The following ARHGAP10 variants were observed in gnomAD, a reference collection of about 807,000 sequenced individuals.
ARHGAP10 encodes rho GTPase-activating protein 10.
In ARHGAP10, 87 loss-of-function variants were observed where a neutral mutation model predicts 108.6. The observed-to-expected ratio is 0.80, with a 90% CI of 0.67 to 0.96. The LOEUF is 0.96. ARHGAP10 is among the 40% of genes least tolerant of loss of function. The pLI is 0.00. For missense variants in ARHGAP10, 939 were observed against 954.5 expected, an observed-to-expected ratio of 0.98 and a Z score of 0.21; for synonymous variants, 347 against 341.1, an observed-to-expected ratio of 1.02 and a Z score of -0.19.
rs1285881511 is a variant in ARHGAP10, at chr4:148,029,528, C to T, written c.1867+6115C>T. 3.9e-5 allele frequency among the ~76,000 whole-genome samples: 6 copies of T among 152,192 alleles called. No individual in the cohort carries two copies. The South Asian group carries it at 8.3e-4, about 21-fold the overall frequency. ...GAAAACCATTGTTGGCATGGATTTT[C>T]GTTGACATTCTGTAGCTATAGATGT... On this transcript the variant is annotated intron_variant, in intron 19 of 22. Transcript: ENST00000336498.
At position 148,026,748 on chromosome 4, in the gene ARHGAP10, C is replaced by A. The variant is rs144625449; in HGVS notation, c.1867+3335C>A. On this transcript the variant is annotated intron_variant, in intron 19 of 22. Transcript: ENST00000336498. ...GCTCATTTTTCATATAACATTTAATCTCAACATCAAAGCTGAGTAGATTTG... is the reference window on the plus strand; with the variant it reads ...GCTCATTTTTCATATAACATTTAATATCAACATCAAAGCTGAGTAGATTTG... Among the ~76,000 whole-genome samples the A allele has an allele frequency of 2.0e-3, 311 of 152,140 alleles. 1 individual carries two copies. The Middle Eastern group carries it at 0.034, about 17-fold the overall frequency.
intron 13 of ARHGAP10, among the ~76,000 whole-genome samples, chr4:147,926,646 A>G (rs1737470870): frequency 6.6e-6 from 1 of 152,230 alleles, no homozygotes. Context: ...GTCTAAGTCA[A>G]GATGATAGTG....
intron 10 of ARHGAP10, among the ~76,000 whole-genome samples, chr4:147,884,718 G>A (rs1200948393): frequency 2.0e-5 from 3 of 152,190 alleles, no homozygotes; most frequent in Non-Finnish European, 4.4e-5. Flanking sequence ...GGTAGAGTGA[G>A]TGTCACATGT....
chr4:147,913,068 T>C lies in ARHGAP10; in HGVS notation c.1163-6T>C. On this transcript the variant is annotated splice_region_variant and splice_polypyrimidine_tract_variant and intron_variant, in intron 12 of 22. Coordinates refer to ENST00000336498, the MANE Select transcript of ARHGAP10 (RefSeq NM_024605.4). ...TACACTTAATGTTTTAAACTGTTTC[T>C]TGTAGATGCACAGTTGGATAAGATG... 1 of 1,612,524 alleles carries C rather than the reference T, an allele frequency of 6.2e-7. No individual in the cohort carries two copies. The highest frequency in any genetic ancestry group is 1.3e-5 in the African/African-American group (1 of 75,026).
At chr4:147,875,959 A>G (rs1013075453) in intron 8 of ARHGAP10, among the ~76,000 whole-genome samples, 2 of 152,158 alleles carry the variant, frequency 1.3e-5, no homozygotes, top group Non-Finnish European at 2.9e-5. Flanking sequence ...TCTCTTTACT[A>G]TTTCCCTCCC....
At chr4:147,786,666 A>G (rs1233321373) in intron 1 of ARHGAP10, among the ~76,000 whole-genome samples, 1 of 152,226 alleles carries the variant, frequency 6.6e-6, no homozygotes, top group African/African-American at 2.4e-5. Context: ...CAGGTCGTGC[A>G]TATGGGATGG....
At chr4:147,945,671 T>C (rs1242975291) in intron 14 of ARHGAP10, among the ~76,000 whole-genome samples, 2 of 152,246 alleles carry the variant, frequency 1.3e-5, no homozygotes, top group Non-Finnish European at 2.9e-5. Flanking sequence ...TATCATCCTT[T>C]CACCAGTTTG....
chr4:147,978,293 T>A (rs546178450), intron 18 of ARHGAP10, among the ~76,000 whole-genome samples: 1 of 152,272 alleles, frequency 6.6e-6, no homozygotes, highest in Admixed American at 6.5e-5. Context: ...CCACCAACAG[T>A]GTATAAGCAT....
chr4:147,937,383 CT>C (rs926615064), intron 13 of ARHGAP10, among the ~76,000 whole-genome samples: 5 of 151,396 alleles, frequency 3.3e-5, no homozygotes, highest in Admixed American at 6.6e-5. Flanking sequence ...AATTTAATTA[CT>C]TTTTTTTTCA....
intron 3 of ARHGAP10, among the ~76,000 whole-genome samples, chr4:147,837,337 A>T (rs977694996): frequency 6.6e-6 from 1 of 152,236 alleles, no homozygotes. Flanking sequence ...TACGGTTCTG[A>T]AATTCTAAAA....
At chr4:147,882,683 C>G (rs1201264091) in intron 10 of ARHGAP10, among the ~76,000 whole-genome samples, 1 of 152,056 alleles carries the variant, frequency 6.6e-6, no homozygotes, top group African/African-American at 2.4e-5. Flanking sequence ...TCTGTTTATT[C>G]AAAGGTGAAT....
chr4:148,064,378 A>G (rs1187262574), intron 21 of ARHGAP10, 38 bp from the exon 22 acceptor site: 2 of 1,594,668 alleles, frequency 1.3e-6, no homozygotes, highest in East Asian at 2.2e-5. Context: ...TGTTTTCCAC[A>G]TTTTCATTGG....
intron 16 of ARHGAP10, among the ~76,000 whole-genome samples, chr4:147,956,152 A>G (rs1738777181): frequency 6.6e-6 from 1 of 152,174 alleles, no homozygotes; most frequent in Non-Finnish European, 1.5e-5. Flanking sequence ...TAGTTCTACT[A>G]GCTAAAACCT....
At chr4:147,900,846 C>A (rs75193717) in intron 10 of ARHGAP10, among the ~76,000 whole-genome samples, 1 of 130,554 alleles carries the variant, frequency 7.7e-6, no homozygotes, top group Admixed American at 7.8e-5. Flanking sequence ...AACAACAACA[C>A]GCCTTGAGAC....
At chr4:148,065,131 T>C (rs1404678143) in intron 22 of ARHGAP10, 3 of 152,264 alleles carry the variant, frequency 2.0e-5, no homozygotes, top group Non-Finnish European at 2.9e-5. Context: ...GTGTCTTTTT[T>C]CTCCTGCTCT....
At position 148,038,424 on chromosome 4, in the gene ARHGAP10, C is replaced by G. The variant is rs551963177; in HGVS notation, c.1868-8468C>G. Among the ~76,000 whole-genome samples the G allele has an allele frequency of 1.8e-3, 277 of 152,306 alleles. 1 individual carries two copies. Among genetic ancestry groups the G allele is most frequent in the African/African-American group, 6.4e-3 (265 of 41,566 alleles). The stretch of plus-strand genomic sequence containing the variant: ...CTACTGCAACATTTTATAATCCCCC[C>G]CATTTCAGGTTCTTCCTGTAGATTT... On this transcript the variant is annotated intron_variant, in intron 19 of 22. Transcript: ENST00000336498.
chr4:147,987,319 G>GT, intron 18 of ARHGAP10, among the ~76,000 whole-genome samples: 1 of 152,310 alleles, frequency 6.6e-6, no homozygotes, highest in African/African-American at 2.4e-5. Context: ...TTGTAGAGAA[G>GT]TTTTTAAAAA....
intron 20 of ARHGAP10, among the ~76,000 whole-genome samples, chr4:148,059,981 AGAGAGAGAGAGAGGG>A (rs1729534046): frequency 7.0e-6 from 1 of 143,254 alleles, no homozygotes; most frequent in South Asian, 2.4e-4. Flanking sequence ...TTTGAGAGAG[AGAGAGAGAGAGAGGG>A]GAGAGAGAGG....
intron 1 of ARHGAP10, among the ~76,000 whole-genome samples, chr4:147,817,614 AC>A (rs1732308064): frequency 1.3e-5 from 2 of 152,096 alleles, no homozygotes; most frequent in African/African-American, 4.8e-5. Flanking sequence ...ACTGCTCCTA[AC>A]CCTGGGAAGA....
Sources: gnomAD v4.1 joint callset for allele counts (sites outside exome capture counted in the v4.1 genomes callset) on GRCh38, gnomAD v4.1.1 for gene constraint, MANE v1.5 for transcripts, NCBI Gene and HGNC (gene_info 2026-07-23, HGNC 2026-07-21) for gene names.